Variants in GLT1D1 observed in about 807,000 individuals in gnomAD.
The protein encoded by GLT1D1 is glycosyltransferase 1 domain-containing protein 1.
GLT1D1 carries 21 observed loss-of-function variants against 28.7 expected under a neutral mutation model. That is an observed-to-expected ratio of 0.73 (90% CI 0.52 to 1.05). The LOEUF is 1.05. Among genes scored for constraint, GLT1D1 ranks in the 50% least tolerant of loss-of-function variants. GLT1D1 has a pLI of 0.00. For synonymous variants in GLT1D1, 147 were observed against 124.8 expected, an observed-to-expected ratio of 1.18 and a Z score of -1.19; for missense variants, 343 against 330.6, an observed-to-expected ratio of 1.04 and a Z score of -0.29.
intron 1 of GLT1D1, among the ~76,000 whole-genome samples, chr12:128,867,566 T>C (rs989530606): frequency 6.6e-6 from 1 of 151,632 alleles, no homozygotes; most frequent in African/African-American, 2.4e-5. Flanking sequence ...GCATGAGAGG[T>C]TCCGACGCAG....
At chr12:128,933,310 G>A (rs1347392572) in intron 4 of GLT1D1, among the ~76,000 whole-genome samples, 2 of 152,264 alleles carry the variant, frequency 1.3e-5, no homozygotes, top group Non-Finnish European at 2.9e-5. Flanking sequence ...GCCGAGTCCC[G>A]CGCATTTCAC....
At chr12:128,951,200 C>T (rs1041047490) in intron 6 of GLT1D1, among the ~76,000 whole-genome samples, 11 of 151,982 alleles carry the variant, frequency 7.2e-5, no homozygotes, top group Non-Finnish European at 1.2e-4. Context: ...GTCAGGAGTT[C>T]GAGACCAGCC....
At chr12:128,860,353 C>T (rs759891208) in intron 1 of GLT1D1, among the ~76,000 whole-genome samples, 27 of 152,096 alleles carry the variant, frequency 1.8e-4, no homozygotes, top group Non-Finnish European at 2.9e-4. Context: ...CCCAGCTACT[C>T]GGGAGGCTGA....
intron 2 of GLT1D1, among the ~76,000 whole-genome samples, chr12:128,888,235 C>T (rs1027007667): frequency 1.1e-4 from 16 of 152,114 alleles, no homozygotes; most frequent in Non-Finnish European, 1.8e-4. Flanking sequence ...CAAGCTAGCA[C>T]GGTGCCTGTT....
chr12:128,906,338 A>AATTC (rs1244807412), intron 4 of GLT1D1, among the ~76,000 whole-genome samples: 5 of 152,162 alleles, frequency 3.3e-5, no homozygotes, highest in Non-Finnish European at 7.3e-5. Context: ...GCTTTGTCTA[A>AATTC]ATTCATCAGA....
intron 4 of GLT1D1, among the ~76,000 whole-genome samples, chr12:128,920,535 C>T (rs1872569516): frequency 6.6e-6 from 1 of 151,864 alleles, no homozygotes; most frequent in Non-Finnish European, 1.5e-5. Context: ...GCCTGGACAA[C>T]AAGAGTGAAA....
At chr12:128,881,561 A>AT (rs1201275552) in intron 2 of GLT1D1, among the ~76,000 whole-genome samples, 1 of 33,722 alleles carries the variant, frequency 3.0e-5, no homozygotes, top group African/African-American at 1.1e-4. Context: ...AAAAAAAAAA[A>AT]ATATATATAT....
intron 2 of GLT1D1, among the ~76,000 whole-genome samples, chr12:128,881,563 T>TAA (rs1566099363): frequency 4.2e-5 from 1 of 23,734 alleles, no homozygotes; most frequent in Non-Finnish European, 6.9e-5. Flanking sequence ...AAAAAAAAAA[T>TAA]ATATATATAT....
At chr12:128,860,298 T>A (rs982485612) in intron 1 of GLT1D1, among the ~76,000 whole-genome samples, 3 of 152,126 alleles carry the variant, frequency 2.0e-5, no homozygotes, top group African/African-American at 7.2e-5. Context: ...CCATCTCTAC[T>A]GAAAATACAA....
chr12:128,897,665 A>G (rs981453887), intron 3 of GLT1D1, among the ~76,000 whole-genome samples: 1 of 152,080 alleles, frequency 6.6e-6, no homozygotes, highest in Non-Finnish European at 1.5e-5. Flanking sequence ...TGCTATGTCA[A>G]ATTCTTTTTT....
chr12:128,976,521 G>C (rs1241163779), intron 7 of GLT1D1, among the ~76,000 whole-genome samples: 1 of 152,186 alleles, frequency 6.6e-6, no homozygotes, highest in Non-Finnish European at 1.5e-5. Context: ...ACACTTCCTC[G>C]TCAACGTCTC....
rs942946804 is a variant in GLT1D1 at position 128,853,490 on chromosome 12, G to A, written c.-92G>A. On this transcript the variant is annotated 5_prime_UTR_variant, in exon 1 of 8. Transcript: ENST00000281703. ...AGGGGCGGGCGGGACAGACCCAGCC[G>A]CCCCGGCTCCCCCGCCGTCCGCGTC... 4.2e-6 allele frequency: 4 copies of A among 960,470 alleles called. No individual in the cohort carries two copies. The highest frequency in any genetic ancestry group is 3.5e-5 in the African/African-American group (2 of 56,506). The allele number at this position is 960,470 out of a possible 1,614,324, so 59.5% of individuals were successfully genotyped here.
chr12:128,938,048 T>C (rs566111243), intron 4 of GLT1D1, among the ~76,000 whole-genome samples: 1 of 152,294 alleles, frequency 6.6e-6, no homozygotes, highest in East Asian at 1.9e-4. Flanking sequence ...AGGAAATACT[T>C]TGGACAGAAA....
intron 7 of GLT1D1, among the ~76,000 whole-genome samples, chr12:128,960,250 A>G (rs934519950): frequency 6.6e-6 from 1 of 152,192 alleles, no homozygotes; most frequent in African/African-American, 2.4e-5. Context: ...ACACACGTTG[A>G]AAGAGTGTGC....
intron 1 of GLT1D1, among the ~76,000 whole-genome samples, chr12:128,866,911 G>A (rs1266898139): frequency 6.6e-6 from 1 of 151,848 alleles, no homozygotes; most frequent in African/African-American, 2.4e-5. Context: ...ATGAGCCACT[G>A]CGCCAGCCAC....
chr12:128,956,684 TGAG>T (rs1278125001), intron 6 of GLT1D1, among the ~76,000 whole-genome samples: 1 of 152,214 alleles, frequency 6.6e-6, no homozygotes, highest in African/African-American at 2.4e-5. Context: ...TCTGCAGAGA[TGAG>T]CTTTCCCTTT....
At chr12:128,923,720 C>T (rs1232989796) in intron 4 of GLT1D1, among the ~76,000 whole-genome samples, 2 of 151,932 alleles carry the variant, frequency 1.3e-5, no homozygotes, top group Non-Finnish European at 2.9e-5. Flanking sequence ...CGGGATTTCA[C>T]CACGTTGGTC....
chr12:128,917,890 C>T (rs1872263990), intron 4 of GLT1D1, among the ~76,000 whole-genome samples: 3 of 152,150 alleles, frequency 2.0e-5, no homozygotes, highest in Admixed American at 6.6e-5. Flanking sequence ...TAAATTAGTT[C>T]AACCGTTTTG....
At position 128,879,448 on chromosome 12, in the gene GLT1D1, T is replaced by TTCTTTCTC. The variant is rs1267891841; in HGVS notation, c.217+3393_217+3394insCTCTTTCT. 2.8e-4 allele frequency among the ~76,000 whole-genome samples: 35 copies of TTCTTTCTC among 126,888 alleles called. 1 individual carries two copies. Among genetic ancestry groups the TTCTTTCTC allele is most frequent in the East Asian group, 2.3e-4 (1 of 4,442 alleles). 83.2% of individuals were successfully genotyped at this position (126,888 alleles called of 152,430 possible). Reference sequence around the variant, plus strand: ...TTTCTTTCTTTCTTTCTTTCTTTCTTTCTTTCTTTCTTTTTTTTGGGGGGG... The same window carrying TTCTTTCTC: ...TTTCTTTCTTTCTTTCTTTCTTTCTTTCTTTCTCTCTTTCTTTCTTTTTTTTGGGGGGG... On this transcript the variant is annotated intron_variant, in intron 2 of 7. Transcript: ENST00000281703.
Sources: gnomAD v4.1 joint callset for allele counts (sites outside exome capture counted in the v4.1 genomes callset) on GRCh38, gnomAD v4.1.1 for gene constraint, MANE v1.5 for transcripts, NCBI Gene and HGNC (gene_info 2026-07-23, HGNC 2026-07-21) for gene names.